The following CELF2 variants were observed in gnomAD, a reference collection of about 807,000 sequenced individuals.
CELF2 encodes the protein CUG triplet repeat RNA-binding protein 2.
CELF2 carries 8 observed loss-of-function variants against 62.6 expected under a neutral mutation model. That is an observed-to-expected ratio of 0.13 (90% CI 0.07 to 0.23). The LOEUF (loss-of-function observed/expected upper bound fraction) is 0.23. Among genes scored for constraint, CELF2 ranks in the 10% least tolerant of loss-of-function variants. CELF2 has a pLI of 1.00. For missense variants in CELF2, 333 were observed against 671.0 expected (o/e 0.50, Z 5.56); for synonymous variants, 258 against 250.0 (o/e 1.03, Z -0.30).
the CELF2 span, among the ~76,000 whole-genome samples, chr10:10,528,368 A>G: frequency 6.6e-6 from 1 of 152,138 alleles, no homozygotes; most frequent in East Asian, 1.9e-4. Flanking sequence ...CTTCACCATG[A>G]CCCTGTAGGC....
At chr10:11,093,257 G>C (rs1218864946) in intron 1 of CELF2, among the ~76,000 whole-genome samples, 3 of 55,978 alleles carry the variant, frequency 5.4e-5, no homozygotes, top group Non-Finnish European at 1.1e-4. Context: ...GCCACAGTTT[G>C]GTGTTTGGGA....
chr10:11,045,707 A>G (rs2062697730), intron 1 of CELF2, among the ~76,000 whole-genome samples: 1 of 152,034 alleles, frequency 6.6e-6, no homozygotes, highest in Admixed American at 6.5e-5. Context: ...CAAATGTATG[A>G]CCTCCGCTTC....
intron 3 of CELF2, among the ~76,000 whole-genome samples, chr10:11,238,505 G>T (rs1166839680): frequency 6.6e-6 from 1 of 152,126 alleles, no homozygotes; most frequent in African/African-American, 2.4e-5. Flanking sequence ...ATTTATTTGG[G>T]AGCTCAACTG....
chr10:11,270,924 C>G lies in CELF2; in HGVS notation c.777+100C>G. On this transcript the variant is annotated intron_variant, in intron 7 of 12. Coordinates refer to ENST00000633077, the MANE Select transcript of CELF2 (RefSeq NM_001326342.2). The surrounding 1 kb of genome is among the most constrained non-coding windows in gnomAD (Gnocchi z 5.8). ...GAGGCATTTGTTTTCAGTACATTTTCAATCTCGGGGAATTATTGAAATCAG... is the reference window on the plus strand; with the variant it reads ...GAGGCATTTGTTTTCAGTACATTTTGAATCTCGGGGAATTATTGAAATCAG... 1.8e-6 allele frequency: 2 copies of G among 1,110,004 alleles called. No individual in the cohort carries two copies. The highest frequency in any genetic ancestry group is 2.4e-6 in the Non-Finnish European group (2 of 837,490). The allele number at this position is 1,110,004 out of a possible 1,614,324, so 68.8% of individuals were successfully genotyped here.
At chr10:11,277,755 A>G (rs10795858) in intron 8 of CELF2, among the ~76,000 whole-genome samples, 37,480 of 152,274 alleles carry the variant, frequency 0.25, 5,523 homozygotes, top group East Asian at 0.67. Flanking sequence ...AGTAGAAAGC[A>G]TATGGTAGTG....
chr10:10,852,718 A>G (rs569578478), intron 1 of CELF2, among the ~76,000 whole-genome samples: 5 of 152,358 alleles, frequency 3.3e-5, no homozygotes, highest in African/African-American at 7.2e-5. Flanking sequence ...GGAAATGGGC[A>G]AAGCATTCAC....
the CELF2 span, among the ~76,000 whole-genome samples, chr10:10,767,995 CAAAAA>C: frequency 2.6e-4 from 6 of 23,050 alleles, no homozygotes; most frequent in Non-Finnish European, 4.3e-4. Flanking sequence ...GACTCCGTCT[CAAAAA>C]AAAAAAAAAA....
At chr10:11,021,935 G>C (rs369444957) in intron 1 of CELF2, among the ~76,000 whole-genome samples, 1 of 152,062 alleles carries the variant, frequency 6.6e-6, no homozygotes, top group East Asian at 1.9e-4. Context: ...ATTCCAATTC[G>C]GTTATTCCAT....
chr10:10,669,920 G>GA, the CELF2 span, among the ~76,000 whole-genome samples: 13 of 47,124 alleles, frequency 2.8e-4, no homozygotes, highest in African/African-American at 1.1e-3. Flanking sequence ...TTTTTTTTTT[G>GA]AGACGGAGTT....
chr10:11,022,564 A>G (rs1234705881), intron 1 of CELF2, among the ~76,000 whole-genome samples: 10 of 152,230 alleles, frequency 6.6e-5, no homozygotes, highest in South Asian at 4.2e-4. Context: ...GACAGCTACA[A>G]TAACACTGTA....
chr10:10,512,992 C>T, the CELF2 span, among the ~76,000 whole-genome samples: 1 of 152,186 alleles, frequency 6.6e-6, no homozygotes, highest in Non-Finnish European at 1.5e-5. Context: ...TTCACTGATA[C>T]ATTCAATACC....
chr10:10,959,956 A>G (rs925412387), intron 2 of CELF2, among the ~76,000 whole-genome samples: 2 of 152,360 alleles, frequency 1.3e-5, no homozygotes, highest in Admixed American at 6.5e-5. Context: ...ATTTGCATCA[A>G]CATGCTTTTA....
chr10:10,594,312 A>C, the CELF2 span, among the ~76,000 whole-genome samples: 1 of 152,304 alleles, frequency 6.6e-6, no homozygotes, highest in African/African-American at 2.4e-5. Context: ...TTAGAAAGAA[A>C]AAGTGATTAT....
chr10:11,252,721 G>A (rs768334860), intron 4 of CELF2, among the ~76,000 whole-genome samples: 25 of 152,132 alleles, frequency 1.6e-4, no homozygotes, highest in Non-Finnish European at 2.9e-4. Flanking sequence ...ATGGAAGCTC[G>A]CGGCATCGTG....
the CELF2 span, among the ~76,000 whole-genome samples, chr10:10,722,566 G>C: frequency 1.3e-5 from 2 of 152,108 alleles, no homozygotes; most frequent in African/African-American, 4.8e-5. Context: ...CTTTGACTGA[G>C]AGCCAAGCCC....
At chr10:10,614,590 C>T in the CELF2 span, among the ~76,000 whole-genome samples, 1 of 152,128 alleles carries the variant, frequency 6.6e-6, no homozygotes, top group Non-Finnish European at 1.5e-5. Flanking sequence ...CCACCAGGAA[C>T]TCGGCAAGAG....
At chr10:11,197,020 GAAA>G (rs1565230237) in intron 2 of CELF2, among the ~76,000 whole-genome samples, 3 of 9,498 alleles carry the variant, frequency 3.2e-4, no homozygotes, top group African/African-American at 1.3e-3. Flanking sequence ...AAGAAAGAAA[GAAA>G]GAAAAGAAAG....
rs1668670319 is a variant in CELF2, at chr10:10,938,270, T to G, written c.89+18271T>G. Among the ~76,000 whole-genome samples, 1 of 152,190 alleles carries G rather than the reference T, an allele frequency of 6.6e-6. No homozygotes were observed. Among genetic ancestry groups the G allele is most frequent in the African/African-American group, 2.4e-5 (1 of 41,448 alleles). ...GGTTTGATTCAAGGTATTATATTAT[T>G]TTGCAGTATAGGAAATGTTATTTAG... On this transcript the variant is annotated intron_variant, in intron 2 of 13. Coordinates refer to the CELF2 transcript ENST00000636488. This position sits in a 1 kb window ranked among gnomAD's most constrained non-coding sequence, Gnocchi z 4.2.
the CELF2 span, among the ~76,000 whole-genome samples, chr10:10,745,435 A>T: frequency 1.3e-5 from 2 of 152,088 alleles, no homozygotes; most frequent in Non-Finnish European, 2.9e-5. Flanking sequence ...TCACATATTC[A>T]TCCAAATTCT....
Sources: allele counts gnomAD v4.1 joint callset (sites outside exome capture counted in the v4.1 genomes callset), GRCh38; gene constraint gnomAD v4.1.1; non-coding constraint Gnocchi (gnomAD v3.1); transcripts MANE v1.5; gene names NCBI Gene and HGNC (gene_info 2026-07-23, HGNC 2026-07-21).